The following NEO1 variants were observed in gnomAD, a reference collection of about 807,000 sequenced individuals.
The protein encoded by NEO1 is neogenin.
In NEO1, 63 loss-of-function variants were observed where a neutral mutation model predicts 159.7. The ratio of observed to expected loss-of-function variants is 0.39; its 90% CI spans 0.32 to 0.49. The LOEUF is 0.49. Ranked by LOEUF, NEO1 falls within the 20% of genes least tolerant of loss-of-function variation. The probability of loss-of-function intolerance (pLI) is 0.85; values close to 1 mark genes in which losing one functional copy is unlikely to be tolerated. For missense variants in NEO1, 1,615 were observed against 1,831.0 expected, an observed-to-expected ratio of 0.88 and a Z score of 2.15; for synonymous variants, 633 against 662.0, an observed-to-expected ratio of 0.96 and a Z score of 0.67.
intron 1 of NEO1, among the ~76,000 whole-genome samples, chr15:73,113,803 A>AAT (rs990493278): frequency 1.6e-4 from 25 of 151,856 alleles, no homozygotes; most frequent in East Asian, 3.9e-4. Context: ...TTTAAAATGA[A>AAT]ATATATATAT....
At chr15:73,068,998 GC>G (rs1719637952) in intron 1 of NEO1, among the ~76,000 whole-genome samples, 1 of 150,222 alleles carries the variant, frequency 6.7e-6, no homozygotes, top group Non-Finnish European at 1.5e-5. Context: ...TCTCACCTAG[GC>G]TGGAGTGCAA....
intron 4 of NEO1, among the ~76,000 whole-genome samples, chr15:73,130,827 T>C (rs1213335710): frequency 6.6e-6 from 1 of 152,190 alleles, no homozygotes; most frequent in Non-Finnish European, 1.5e-5. Flanking sequence ...TTTACCATCA[T>C]GTAGTAGCAA....
chr15:73,072,208 C>A (rs1479347871), intron 1 of NEO1, among the ~76,000 whole-genome samples: 3 of 152,086 alleles, frequency 2.0e-5, no homozygotes, highest in Non-Finnish European at 4.4e-5. Context: ...GCCTCGGCTT[C>A]CCAAAGTGCT....
chr15:73,249,489 A>T, intron 10 of NEO1, 94 bp from the exon 11 acceptor site: 1 of 1,317,186 alleles, frequency 7.6e-7, no homozygotes, highest in Non-Finnish European at 1.0e-6. Flanking sequence ...AATCTGTTTC[A>T]TGTAGAATAT....
intron 26 of NEO1, among the ~76,000 whole-genome samples, chr15:73,295,125 A>ATATATATATATATATATAT (rs2042306483): frequency 1.0e-5 from 1 of 100,152 alleles, no homozygotes; most frequent in African/African-American, 3.6e-5. Context: ...CTAAATATTA[A>ATATATATATATATATATAT]ATATATATAT....
Position 73,126,476 on chromosome 15 carries a change from A to G in NEO1, c.784A>G (p.Ile262Val), listed in dbSNP as rs1306243502. The stretch of plus-strand genomic sequence containing the variant: ...ACAGCCTTCTCCCTTAGTCAGAGTC[A>G]TTGGTCAGGATGTAGTGTTGCCATG... ...LKQPSPLVRV[I>V]GQDVVLPCVA... The change falls in exon 4 of 29, where the codon ATT (isoleucine) becomes GTT (valine). Residue 262 changes from isoleucine to valine, a missense_variant. This residue lies in a region of NEO1 where 1,018 missense variants were observed against 1,115.4 expected (regional missense o/e 0.91). Coordinates refer to ENST00000261908, the MANE Select transcript of NEO1 (RefSeq NM_002499.4). The G allele has an allele frequency of 1.9e-6, 3 of 1,613,248 alleles. No individual in the cohort carries two copies. Among genetic ancestry groups the G allele is most frequent in the South Asian group, 1.1e-5 (1 of 90,990 alleles).
chr15:73,183,330 C>T (rs367927525), intron 7 of NEO1, among the ~76,000 whole-genome samples: 6 of 152,188 alleles, frequency 3.9e-5, no homozygotes, highest in Non-Finnish European at 5.9e-5. Context: ...TGATTTCATA[C>T]GTTTCTGAAG....
rs1229790422 is a variant in NEO1 at position 73,272,317 on chromosome 15, C to G, written c.2858-138C>G. 8.5e-6 allele frequency: 5 copies of G among 588,878 alleles called. No individual in the cohort carries two copies. The African/African-American group carries it at 9.3e-5, about 11-fold the overall frequency. 36.5% of individuals were successfully genotyped at this position (588,878 alleles called of 1,614,324 possible). ...TTGATTGGAACTTTTGATAGACAAACTGTGATTTCTTTGAAGCCAGAAGCT... is the reference window on the plus strand; with the variant it reads ...TTGATTGGAACTTTTGATAGACAAAGTGTGATTTCTTTGAAGCCAGAAGCT... On this transcript the variant is annotated intron_variant, in intron 18 of 28. Coordinates refer to ENST00000261908, the MANE Select transcript of NEO1 (RefSeq NM_002499.4).
chr15:73,116,854 G>T lies in NEO1; in HGVS notation c.445G>T (p.Ala149Ser). The T allele has an allele frequency of 6.6e-7, 1 of 1,522,422 alleles. No individual in the cohort carries two copies. Among genetic ancestry groups the T allele is most frequent in the Non-Finnish European group, 8.8e-7 (1 of 1,141,656 alleles). 94.3% of individuals were successfully genotyped at this position (1,522,422 alleles called of 1,614,324 possible). Residue 149 changes from alanine (A) to serine (S), a missense_variant, in exon 2 of 29, where the codon GCA becomes TCA. Physicochemically the swap from Ala to Ser is moderately conservative, Grantham distance 99. This residue lies in a region of NEO1 where 1,018 missense variants were observed against 1,115.4 expected (regional missense o/e 0.91). Transcript: ENST00000261908. ...IISRTAKLIV[A>S]GLPRFTSQPE... ...CAGTAGAACAGCGAAGCTCATAGTAGCAGGTAAGTTTTAAGTGATTTTTTT... is the reference window on the plus strand; with the variant it reads ...CAGTAGAACAGCGAAGCTCATAGTATCAGGTAAGTTTTAAGTGATTTTTTT...
chr15:73,248,080 T>C (rs28556580), intron 9 of NEO1, among the ~76,000 whole-genome samples: 1,917 of 152,324 alleles, frequency 0.013, 35 homozygotes, highest in African/African-American at 0.043. Context: ...CACCTGTAAA[T>C]GAGGGTGATA....
At chr15:73,121,719 A>C (rs899770826) in intron 2 of NEO1, among the ~76,000 whole-genome samples, 17 of 151,926 alleles carry the variant, frequency 1.1e-4, no homozygotes. Flanking sequence ...TTATTTGTTT[A>C]TATTTGCATG....
intron 8 of NEO1, among the ~76,000 whole-genome samples, chr15:73,240,579 C>T (rs924146517): frequency 5.9e-5 from 9 of 152,172 alleles, no homozygotes; most frequent in African/African-American, 2.2e-4. Flanking sequence ...CCATTTTTGA[C>T]TGTTAAGAAA....
chr15:73,192,933 GAAATTAAACTTGGAATA>G (rs1223218397), intron 7 of NEO1, among the ~76,000 whole-genome samples: 4 of 152,030 alleles, frequency 2.6e-5, no homozygotes, highest in African/African-American at 9.6e-5. Flanking sequence ...ACATCAATTA[GAAATTAAACTTGGAATA>G]TTTAAATCTA....
chr15:73,275,136 A>T (rs1158517433), intron 21 of NEO1, among the ~76,000 whole-genome samples: 5 of 152,214 alleles, frequency 3.3e-5, no homozygotes, highest in African/African-American at 1.2e-4. Context: ...CTAGAATTTT[A>T]TTAGTGTCTT....
intron 5 of NEO1, among the ~76,000 whole-genome samples, chr15:73,158,096 T>G (rs1349074441): frequency 6.6e-6 from 1 of 151,730 alleles, no homozygotes; most frequent in Non-Finnish European, 1.5e-5. Flanking sequence ...ATGCCTGTAG[T>G]TCCAGCTACT....
intron 5 of NEO1, among the ~76,000 whole-genome samples, chr15:73,142,091 C>CT (rs139318789): frequency 5.6e-4 from 82 of 147,290 alleles, no homozygotes; most frequent in Middle Eastern, 3.4e-3. Flanking sequence ...GGATTAAACT[C>CT]TTTTTTTTTT....
intron 7 of NEO1, among the ~76,000 whole-genome samples, chr15:73,185,787 T>A (rs1245538245): frequency 6.6e-6 from 1 of 152,142 alleles, no homozygotes. Context: ...CAATGGAACG[T>A]CATTCATTGA....
chr15:73,285,253 G>T (rs1157392315), intron 23 of NEO1, among the ~76,000 whole-genome samples: 3 of 151,986 alleles, frequency 2.0e-5, no homozygotes, highest in African/African-American at 7.3e-5. Flanking sequence ...CCAAGTAGCT[G>T]GGATTACAGG....
At chr15:73,178,508 T>G (rs2035409831) in intron 7 of NEO1, 81 bp downstream of exon 7, 2 of 1,517,748 alleles carry the variant, frequency 1.3e-6, no homozygotes, top group Non-Finnish European at 1.8e-6. Context: ...AACTCATGAT[T>G]GATAACCCAT....
Sources: gnomAD v4.1 joint callset for allele counts (sites outside exome capture counted in the v4.1 genomes callset) on GRCh38, gnomAD v4.1.1 for gene constraint, gnomAD v4.1.1 regional missense constraint, MANE v1.5 for transcripts, NCBI Gene and HGNC (gene_info 2026-07-23, HGNC 2026-07-21) for gene names.